The following DDX19A variants were observed in gnomAD, a reference collection of about 807,000 sequenced individuals.
DDX19A encodes ATP-dependent RNA helicase DDX19A.
A neutral mutation model predicts 60.6 loss-of-function variants in DDX19A; 12 were observed. The observed-to-expected ratio is 0.20, with a 90% CI of 0.13 to 0.32. DDX19A has a LOEUF of 0.32. DDX19A is among the 10% of genes least tolerant of loss of function. DDX19A has a pLI of 1.00. For synonymous variants in DDX19A, 206 were observed against 218.2 expected (o/e 0.94, Z 0.49); for missense variants, 337 against 600.6 (o/e 0.56, Z 4.59).
chr16:70,347,125 CGGGTT>C, intron 1 of DDX19A, 77 bp downstream of exon 1: 1 of 1,469,168 alleles, frequency 6.8e-7, no homozygotes, highest in Non-Finnish European at 9.3e-7. Flanking sequence ...GGGAGCTCCC[CGGGTT>C]GGGGAGGCCC....
intron 6 of DDX19A, 108 bp from the exon 7 acceptor site, chr16:70,364,908 AC>A: frequency 1.2e-6 from 1 of 849,654 alleles, no homozygotes; most frequent in Non-Finnish European, 1.9e-6. Context: ...GGATGGGAGG[AC>A]ATGCTTCCCT....
chr16:70,372,012 G>A lies in DDX19A; in HGVS notation c.*26G>A, dbSNP rs770451690. On this transcript the variant is annotated 3_prime_UTR_variant, in exon 12 of 12. Coordinates refer to ENST00000302243, the MANE Select transcript of DDX19A (RefSeq NM_018332.5). ...GAAGCTCCACCAGCCACTGATGCCA[G>A]CCCTGGCACTGCCCCTGCACAGGAG... 5 of 1,613,876 alleles carry A rather than the reference G, an allele frequency of 3.1e-6. No homozygotes were observed. The African/African-American group carries it at 6.7e-5, about 22-fold the overall frequency.
At chr16:70,370,011 T>C (rs562304714) in intron 9 of DDX19A, among the ~76,000 whole-genome samples, 1 of 152,238 alleles carries the variant, frequency 6.6e-6, no homozygotes, top group East Asian at 1.9e-4. Context: ...TTTTAGCTGC[T>C]AAGTTTCAGG....
intron 2 of DDX19A, among the ~76,000 whole-genome samples, chr16:70,352,901 G>A (rs1432380272): frequency 6.6e-6 from 1 of 152,046 alleles, no homozygotes; most frequent in African/African-American, 2.4e-5. Context: ...GCCTCCCAAA[G>A]TGCTGGGATT....
At chr16:70,370,571 G>A in intron 10 of DDX19A, 186 bp downstream of exon 10, 1 of 983,434 alleles carries the variant, frequency 1.0e-6, no homozygotes, top group Non-Finnish European at 1.4e-6. Flanking sequence ...CACATGCCAG[G>A]TGCGGTGGCT....
intron 4 of DDX19A, among the ~76,000 whole-genome samples, chr16:70,358,476 CT>C (rs113552631): frequency 0.092 from 13,000 of 140,652 alleles, 1,359 homozygotes; most frequent in African/African-American, 0.27. Context: ...GGCCCAATAA[CT>C]TTTTTTTTTT....
intron 5 of DDX19A, among the ~76,000 whole-genome samples, chr16:70,363,094 C>G (rs1422367095): frequency 6.6e-6 from 1 of 151,440 alleles, no homozygotes; most frequent in Non-Finnish European, 1.5e-5. Flanking sequence ...TCAAGTGATT[C>G]TCCAGCCTCA....
intron 1 of DDX19A, among the ~76,000 whole-genome samples, chr16:70,348,452 C>T (rs1489432140): frequency 3.3e-5 from 5 of 151,740 alleles, no homozygotes; most frequent in Non-Finnish European, 7.4e-5. Context: ...ATAGTGAAAC[C>T]CTGTCTCTAC....
At chr16:70,355,632 A>G in intron 3 of DDX19A, 97 bp downstream of exon 3, 1 of 957,776 alleles carries the variant, frequency 1.0e-6, no homozygotes, top group South Asian at 1.3e-5. Context: ...CCAGGAGATG[A>G]GAGGAATCAG....
intron 5 of DDX19A, chr16:70,363,348 T>G (rs1489697618): frequency 7.1e-6 from 1 of 141,572 alleles, no homozygotes; most frequent in African/African-American, 2.7e-5. Context: ...TCTGTTCGTT[T>G]GTTTTTGGGA....
At chr16:70,364,312 T>A in intron 5 of DDX19A, 1 of 497,834 alleles carries the variant, frequency 2.0e-6, no homozygotes, top group African/African-American at 1.9e-5. Context: ...GAGGCTAGAA[T>A]GAGAATTTCT....
intron 4 of DDX19A, among the ~76,000 whole-genome samples, chr16:70,360,238 G>A (rs144210008): frequency 0.013 from 1,974 of 151,230 alleles, 34 homozygotes; most frequent in African/African-American, 0.045. Context: ...CCAAGATCAC[G>A]CTATTGCACT....
At chr16:70,364,317 ATTTC>A (rs1964456069) in intron 5 of DDX19A, 1 of 504,438 alleles carries the variant, frequency 2.0e-6, no homozygotes, top group African/African-American at 1.9e-5. Context: ...TAGAATGAGA[ATTTC>A]TTGGTGTGAG....
intron 2 of DDX19A, 105 bp downstream of exon 2, chr16:70,350,710 C>A: frequency 1.2e-6 from 1 of 836,020 alleles, no homozygotes. Context: ...TAAACTTCAG[C>A]TGTTTACAAG....
chr16:70,353,420 T>A (rs1023766163), intron 2 of DDX19A, among the ~76,000 whole-genome samples: 8 of 152,084 alleles, frequency 5.3e-5, no homozygotes, highest in Admixed American at 2.6e-4. Flanking sequence ...GGCCTTTTTT[T>A]AAAATTTTTT....
rs1338694829 is a variant in DDX19A, at chr16:70,371,926, T to C, written c.1377T>C (p.Asn459=). ...GAGACTTGTGTATCTTTCCCCCAGA[T>C]AAGAAGATAGAAAGATTGGACACAG... ...NILNRIQEHF[N]KKIERLDTDD... Residue 459 remains asparagine, a splice_region_variant and synonymous_variant, in exon 12 of 12, where the codon AAT becomes AAC. Transcript: ENST00000302243. 1 of 1,613,910 alleles carries C rather than the reference T, an allele frequency of 6.2e-7. No individual in the cohort carries two copies. Among genetic ancestry groups the C allele is most frequent in the Non-Finnish European group, 8.5e-7 (1 of 1,179,860 alleles).
At chr16:70,352,156 A>G (rs1275278511) in intron 2 of DDX19A, among the ~76,000 whole-genome samples, 1 of 152,184 alleles carries the variant, frequency 6.6e-6, no homozygotes, top group Non-Finnish European at 1.5e-5. Context: ...AAGCAAATAT[A>G]AGTGTAGATT....
intron 4 of DDX19A, among the ~76,000 whole-genome samples, chr16:70,357,615 A>T (rs763709036): frequency 9.2e-5 from 14 of 151,598 alleles, no homozygotes; most frequent in African/African-American, 3.4e-4. Context: ...CGAATTCCTG[A>T]TCTCATGATC....
intron 3 of DDX19A, chr16:70,355,835 A>G: frequency 1.7e-6 from 1 of 576,802 alleles, no homozygotes; most frequent in South Asian, 2.2e-5. Flanking sequence ...GGTAGCACAC[A>G]CCTGTACTCC....
Sources: gnomAD v4.1 joint callset for allele counts (sites outside exome capture counted in the v4.1 genomes callset) on GRCh38, gnomAD v4.1.1 for gene constraint, MANE v1.5 for transcripts, NCBI Gene and HGNC (gene_info 2026-07-23, HGNC 2026-07-21) for gene names.